Variants in MAP4 observed in about 807,000 individuals in gnomAD.
The protein encoded by MAP4 is microtubule-associated protein 4.
In MAP4, 76 loss-of-function variants were observed where a neutral mutation model predicts 170.2. That is an observed-to-expected ratio of 0.45 (90% CI 0.37 to 0.54). MAP4 has a LOEUF of 0.54. MAP4 is among the 20% of genes least tolerant of loss of function. The probability of loss-of-function intolerance (pLI) is 0.00; values close to 1 mark genes in which losing one functional copy is unlikely to be tolerated. For synonymous variants in MAP4, 909 were observed against 994.5 expected, an observed-to-expected ratio of 0.91 and a Z score of 1.62; for missense variants, 2,506 against 2,748.0, an observed-to-expected ratio of 0.91 and a Z score of 1.97.
upstream of MAP4, among the ~76,000 whole-genome samples, chr3:48,019,571 GA>G (rs2100109558): frequency 6.6e-6 from 1 of 151,738 alleles, no homozygotes; most frequent in Non-Finnish European, 1.5e-5. Flanking sequence ...TAGCTTTTGA[GA>G]ACTATTTTAT....
At chr3:47,987,523 C>G (rs1387463321) in intron 2 of MAP4, 7 of 851,542 alleles carry the variant, frequency 8.2e-6, no homozygotes, top group Non-Finnish European at 1.2e-5. Flanking sequence ...ACAACTCTAG[C>G]AAAAGCTTTA....
At chr3:48,016,698 C>A (rs1255716066), upstream of MAP4, among the ~76,000 whole-genome samples, 1 of 152,146 alleles carries the variant, frequency 6.6e-6, no homozygotes, top group Non-Finnish European at 1.5e-5. Context: ...ATTTATCCCA[C>A]TTCCTTCCTC....
chr3:47,997,491 A>T (rs2100096624), intron 2 of MAP4, among the ~76,000 whole-genome samples: 2 of 151,892 alleles, frequency 1.3e-5, no homozygotes. Context: ...TATAACATTA[A>T]GTAATTACAT....
At chr3:47,870,347 G>A (rs967186281) in intron 15 of MAP4, among the ~76,000 whole-genome samples, 4 of 152,160 alleles carry the variant, frequency 2.6e-5, no homozygotes, top group Non-Finnish European at 5.9e-5. Context: ...CTGGCCATAA[G>A]AGGACACCCT....
intron 1 of MAP4, among the ~76,000 whole-genome samples, chr3:48,073,795 C>T (rs1024962275): frequency 3.9e-5 from 6 of 152,024 alleles, no homozygotes; most frequent in African/African-American, 7.2e-5. Flanking sequence ...GACTTGTACA[C>T]TAAAAACTAC....
Position 48,076,500 on chromosome 3 carries a change from T to C in MAP4, c.-20+12273A>G, listed in dbSNP as rs543139599. Among the ~76,000 whole-genome samples, 12 of 147,592 alleles carry C rather than the reference T, an allele frequency of 8.1e-5. No individual in the cohort carries two copies. The South Asian group carries it at 2.6e-3, about 32-fold the overall frequency. On this transcript the variant is annotated intron_variant, in intron 1 of 18. Transcript: ENST00000360240. ...CTGGGTGACAGAACGAGACTACATC[T>C]TAAAAAAAAAAAAAAAAAGGTTACC... is the stretch of plus-strand genomic sequence containing the variant.
At chr3:47,986,619 C>T (rs895894013) in intron 2 of MAP4, among the ~76,000 whole-genome samples, 1 of 152,146 alleles carries the variant, frequency 6.6e-6, no homozygotes. Context: ...AGATTACAGG[C>T]TTGAGCCCCC....
At chr3:47,890,204 A>G (rs2098320577) in intron 10 of MAP4, among the ~76,000 whole-genome samples, 2 of 152,146 alleles carry the variant, frequency 1.3e-5, no homozygotes, top group Admixed American at 1.3e-4. Flanking sequence ...AGACCACCAC[A>G]ATAAGAGCTG....
chr3:48,054,058 C>T lies in MAP4; in HGVS notation c.-20+34715G>A, dbSNP rs888906878. Among the ~76,000 whole-genome samples the T allele has an allele frequency of 2.6e-5, 4 of 151,636 alleles. No homozygotes were observed. The East Asian group carries it at 5.8e-4, about 22-fold the overall frequency. On this transcript the variant is annotated intron_variant, in intron 1 of 18. Coordinates refer to the MAP4 transcript ENST00000360240. Reference sequence around the variant, plus strand: ...GTGGCTCACACCTGTGATCCCAAAACTTTGGAAGGCCGAGGCAGGCAGATC... The same window carrying T: ...GTGGCTCACACCTGTGATCCCAAAATTTTGGAAGGCCGAGGCAGGCAGATC...
chr3:48,061,913 C>T (rs528782309), intron 1 of MAP4, among the ~76,000 whole-genome samples: 2 of 140,178 alleles, frequency 1.4e-5, no homozygotes, highest in South Asian at 2.3e-4. Flanking sequence ...CCACCCCGTC[C>T]GGGAGGTGGG....
intron 1 of MAP4, among the ~76,000 whole-genome samples, chr3:47,999,779 C>T (rs573021824): frequency 1.3e-5 from 2 of 151,444 alleles, no homozygotes; most frequent in South Asian, 4.2e-4. Context: ...GTACAACAAA[C>T]CCTTGTGACA....
intron 3 of MAP4, among the ~76,000 whole-genome samples, chr3:47,946,285 A>G (rs1406267123): frequency 6.6e-6 from 1 of 151,766 alleles, no homozygotes; most frequent in Non-Finnish European, 1.5e-5. Context: ...ATTTAGTTTA[A>G]TTTATACTAA....
At chr3:47,981,456 T>C (rs956886077) in intron 2 of MAP4, among the ~76,000 whole-genome samples, 4 of 151,816 alleles carry the variant, frequency 2.6e-5, no homozygotes, top group African/African-American at 7.3e-5. Flanking sequence ...CCTTATCTCG[T>C]AATAAAAAAT....
intron 17 of MAP4, among the ~76,000 whole-genome samples, chr3:47,863,063 G>A (rs140778398): frequency 0.013 from 1,890 of 150,236 alleles, 36 homozygotes; most frequent in Admixed American, 0.041. Context: ...CATAACCTCC[G>A]CCTCCCAGGA....
rs1428002600 is a variant in MAP4, at chr3:48,069,839, C to T, written c.-20+18934G>A. ...TGGCTATATCAGAGAACCTCATTAT[C>T]GGTGACCCAAACTTACCTTTAATTA... is the stretch of plus-strand genomic sequence containing the variant. On this transcript the variant is annotated intron_variant, in intron 1 of 18. Coordinates refer to the MAP4 transcript ENST00000360240. 3.3e-5 allele frequency among the ~76,000 whole-genome samples: 5 copies of T among 152,120 alleles called. No individual in the cohort carries two copies. The East Asian group carries it at 5.8e-4, about 18-fold the overall frequency.
Position 47,911,466 on chromosome 3 carries a change from AT to A in MAP4, c.2954del (p.Asn985IlefsTer2). Reference sequence around the variant, plus strand: ...TACTTTCATTATTCCCTTCTTTTAGATTACATTCTAATGGATTACTTGCTAT... The same window carrying A: ...TACTTTCATTATTCCCTTCTTTTAGATACATTCTAATGGATTACTTGCTAT... ...TLIASNPLEC[N>X]LKEGNNESKM... On this transcript the variant is annotated frameshift_variant, in exon 9 of 21. Transcript: ENST00000683076. LOFTEE classifies it high-confidence loss of function. This position sits in a 1 kb window ranked among gnomAD's most constrained non-coding sequence, Gnocchi z 4.0. The A allele has an allele frequency of 6.5e-7, 1 of 1,535,986 alleles. No individual in the cohort carries two copies.
At chr3:47,881,864 C>G (rs530909540) in intron 10 of MAP4, among the ~76,000 whole-genome samples, 1 of 152,186 alleles carries the variant, frequency 6.6e-6, no homozygotes, top group East Asian at 1.9e-4. Flanking sequence ...CCTCAGCCTC[C>G]TAAAGGGATT....
chr3:48,078,045 G>T (rs995834109), intron 1 of MAP4, among the ~76,000 whole-genome samples: 1 of 152,150 alleles, frequency 6.6e-6, no homozygotes, highest in Non-Finnish European at 1.5e-5. Flanking sequence ...GACTGCTAAC[G>T]GGTATGAGGT....
intron 3 of MAP4, among the ~76,000 whole-genome samples, chr3:47,952,078 C>T (rs1425029569): frequency 2.7e-5 from 4 of 149,384 alleles, no homozygotes; most frequent in Non-Finnish European, 5.9e-5. Context: ...TCTGCCCGGC[C>T]GCCCCGTCTG....
Sources: gnomAD v4.1 joint callset for allele counts (sites outside exome capture counted in the v4.1 genomes callset) on GRCh38, gnomAD v4.1.1 for gene constraint, Gnocchi (gnomAD v3.1) non-coding constraint, MANE v1.5 for transcripts, NCBI Gene and HGNC (gene_info 2026-07-23, HGNC 2026-07-21) for gene names.